The following GGNBP2 variants were observed in gnomAD, a reference collection of about 807,000 sequenced individuals.
GGNBP2 encodes the protein gametogenetin binding protein 2.
In GGNBP2, 10 loss-of-function variants were observed where a neutral mutation model predicts 85.9. The observed-to-expected ratio is 0.12, with a 90% CI of 0.07 to 0.20. The LOEUF (loss-of-function observed/expected upper bound fraction) is 0.20, where lower values mean the gene tolerates loss of function less well. Ranked by LOEUF, GGNBP2 falls within the 10% of genes least tolerant of loss-of-function variation. GGNBP2 has a pLI of 1.00. For missense variants in GGNBP2, 595 were observed against 857.8 expected (o/e 0.69, Z 3.83); for synonymous variants, 287 against 285.7 (o/e 1.00, Z -0.05).
In GGNBP2 at chr17:36,557,106, G is replaced by A. The variant is rs750881159; in HGVS notation, c.198G>A (p.Gln66=). 1.2e-6 allele frequency: 2 copies of A among 1,614,122 alleles called. No individual in the cohort carries two copies. Among genetic ancestry groups the A allele is most frequent in the Non-Finnish European group, 1.7e-6 (2 of 1,180,030 alleles). The change falls in exon 4 of 14, where the codon CAG becomes CAA. Residue 66 remains glutamine, a synonymous_variant. Coordinates refer to ENST00000613102, the MANE Select transcript of GGNBP2 (RefSeq NM_024835.5). ...AGCGACATGGTATGCTTAAGCAACA[G>A]GATCTAAGTATTGCCATGGTGGTGA... ...FIQRHGMLKQ[Q]DLSIAMVVTS... is the part of the protein sequence containing the mutation.
intron 6 of GGNBP2, chr17:36,576,593 A>ATG (rs1401978308): frequency 1.3e-3 from 62 of 46,016 alleles, no homozygotes; most frequent in East Asian, 5.2e-3. Flanking sequence ...AAATATATAT[A>ATG]TATGTGTGTG....
intron 3 of GGNBP2, 95 bp downstream of exon 3, chr17:36,554,995 A>G: frequency 1.4e-6 from 1 of 735,678 alleles, no homozygotes; most frequent in East Asian, 2.6e-5. Context: ...AGGATTCTCT[A>G]GGTCTTAATA....
intron 2 of GGNBP2, 38 bp from the exon 3 acceptor site, chr17:36,554,782 G>T (rs908061897): frequency 4.9e-6 from 6 of 1,231,506 alleles, no homozygotes; most frequent in Non-Finnish European, 7.2e-6. Context: ...TTCTCAGAGG[G>T]GTAAAGTAAT....
At chr17:36,559,194 G>A (rs1240829898) in intron 4 of GGNBP2, among the ~76,000 whole-genome samples, 3 of 127,090 alleles carry the variant, frequency 2.4e-5, no homozygotes, top group African/African-American at 5.2e-5. Flanking sequence ...AGCTACTCAG[G>A]AGGCTGAGAC....
At chr17:36,576,591 ATATATGTGTGTGTG>A (rs1397844635) in intron 6 of GGNBP2, 1 of 49,186 alleles carries the variant, frequency 2.0e-5, no homozygotes, top group Non-Finnish European at 3.8e-5. Flanking sequence ...AAAAATATAT[ATATATGTGTGTGTG>A]TGTGTGTGTG....
intron 13 of GGNBP2, among the ~76,000 whole-genome samples, chr17:36,588,600 A>ATTTTTTTTTTTTTTTTT (rs138773605): frequency 7.8e-6 from 1 of 128,794 alleles, no homozygotes. Context: ...TTTAATATTT[A>ATTTTTTTTTTTTTTTTT]TTTATTTTTT....
chr17:36,545,662 A>C lies in GGNBP2; in HGVS notation c.-63A>C. ...CGGCAGCGGCGGCGGCAGAAACAGC[A>C]GCGGCGGCGGCGGCGGCAGCTGGGA... On this transcript the variant is annotated 5_prime_UTR_variant, in exon 2 of 14. Transcript: ENST00000613102. 1 of 1,301,032 alleles carries C rather than the reference A, an allele frequency of 7.7e-7. No individual in the cohort carries two copies. Among genetic ancestry groups the C allele is most frequent in the Non-Finnish European group, 1.1e-6 (1 of 922,054 alleles). 80.6% of individuals were successfully genotyped at this position (1,301,032 alleles called of 1,614,324 possible).
chr17:36,575,115 T>G, intron 6 of GGNBP2: 1 of 758,208 alleles, frequency 1.3e-6, no homozygotes, highest in Middle Eastern at 3.5e-4. Flanking sequence ...TCCAGGGACT[T>G]GATCTTCATG....
intron 4 of GGNBP2, among the ~76,000 whole-genome samples, chr17:36,559,116 A>G (rs530245272): frequency 8.6e-5 from 13 of 152,020 alleles, no homozygotes; most frequent in Non-Finnish European, 1.8e-4. Flanking sequence ...CTTGGCCAAC[A>G]TGGTGAAACC....
intron 6 of GGNBP2, among the ~76,000 whole-genome samples, chr17:36,568,400 G>T (rs545842475): frequency 6.6e-6 from 1 of 152,010 alleles, no homozygotes. Flanking sequence ...GCGTTCCAGC[G>T]GTTCTCCTGC....
At chr17:36,575,107 C>T in intron 6 of GGNBP2, 2 of 785,534 alleles carry the variant, frequency 2.5e-6, no homozygotes, top group Non-Finnish European at 4.3e-6. Flanking sequence ...ACATCTCCTC[C>T]AGGGACTTGA....
chr17:36,586,198 T>A lies in GGNBP2; in HGVS notation c.1641T>A (p.His547Gln), dbSNP rs774323810. 6.2e-7 allele frequency: 1 copy of A among 1,610,540 alleles called. No individual in the cohort carries two copies. The highest frequency in any genetic ancestry group is 1.1e-5 in the South Asian group (1 of 90,898). Residue 547 changes from histidine (H) to glutamine (Q), a missense_variant and splice_region_variant, in exon 12 of 14, where the codon CAT becomes CAA. By Grantham distance (24) the His-to-Gln change is conservative. Coordinates refer to ENST00000613102, the MANE Select transcript of GGNBP2 (RefSeq NM_024835.5). ...KKSKILKCDE[H>Q]IQKLGSCITD... is the part of the protein sequence containing the mutation. ...GCAAGATACTGAAATGTGATGAACATGTAAGTGTCATAACTTGTAATTCTT... is the reference window on the plus strand; with the variant it reads ...GCAAGATACTGAAATGTGATGAACAAGTAAGTGTCATAACTTGTAATTCTT...
At chr17:36,554,352 A>ATTTTTTTTTTTT (rs780217291) in intron 2 of GGNBP2, among the ~76,000 whole-genome samples, 3 of 44,480 alleles carry the variant, frequency 6.7e-5, no homozygotes, top group East Asian at 9.9e-4. Context: ...ATGTACTTGA[A>ATTTTTTTTTTTT]TTTTTTTTTT....
At chr17:36,558,736 G>A (rs2074388376) in intron 4 of GGNBP2, among the ~76,000 whole-genome samples, 1 of 150,760 alleles carries the variant, frequency 6.6e-6, no homozygotes, top group African/African-American at 2.4e-5. Flanking sequence ...GATTACAGGC[G>A]TGAGCCACCG....
intron 5 of GGNBP2, among the ~76,000 whole-genome samples, chr17:36,563,906 G>T (rs1258709295): frequency 2.0e-5 from 3 of 151,888 alleles, no homozygotes; most frequent in Non-Finnish European, 4.4e-5. Context: ...ACCATGCCCG[G>T]CTAATTTTTG....
intron 9 of GGNBP2, 100 bp downstream of exon 9, chr17:36,581,638 G>T: frequency 2.5e-6 from 2 of 794,678 alleles, no homozygotes; most frequent in Non-Finnish European, 1.9e-6. Context: ...CCAGCACTTT[G>T]GGAGGCCCAG....
intron 13 of GGNBP2, chr17:36,587,562 C>T (rs558901920): frequency 5.1e-5 from 14 of 276,046 alleles, no homozygotes; most frequent in Non-Finnish European, 7.1e-5. Context: ...CATTCAACAT[C>T]CCAATAAACC....
intron 2 of GGNBP2, among the ~76,000 whole-genome samples, chr17:36,552,922 T>G (rs1161669487): frequency 6.7e-6 from 1 of 149,574 alleles, no homozygotes; most frequent in South Asian, 2.1e-4. Context: ...CTCAGGAGGC[T>G]GAGGCAGGAG....
At chr17:36,557,583 G>T (rs1599507429) in intron 4 of GGNBP2, among the ~76,000 whole-genome samples, 2 of 152,154 alleles carry the variant, frequency 1.3e-5, no homozygotes, top group South Asian at 4.2e-4. Context: ...ATGGAGTGGG[G>T]GTAGAATTAT....
Sources: gnomAD v4.1 joint callset for allele counts (sites outside exome capture counted in the v4.1 genomes callset) on GRCh38, gnomAD v4.1.1 for gene constraint, MANE v1.5 for transcripts, NCBI Gene and HGNC (gene_info 2026-07-23, HGNC 2026-07-21) for gene names.